Variants in COL11A1 observed in about 807,000 individuals in gnomAD.
COL11A1 encodes the protein collagen type XI alpha 1 chain.
In COL11A1, 74 loss-of-function variants were observed where a neutral mutation model predicts 265.2. That is an observed-to-expected ratio of 0.28 (90% CI 0.23 to 0.34). The LOEUF is 0.34. Among genes scored for constraint, COL11A1 ranks in the 10% least tolerant of loss-of-function variants. The pLI is 1.00. For synonymous variants in COL11A1, 816 were observed against 727.6 expected (o/e 1.12, Z -1.96); for missense variants, 2,165 against 2,263.6 (o/e 0.96, Z 0.88).
chr1:103,094,747 T>C (rs758003459), intron 1 of COL11A1, among the ~76,000 whole-genome samples: 30 of 152,086 alleles, frequency 2.0e-4, no homozygotes, highest in African/African-American at 6.5e-4. Context: ...GCATAAAATA[T>C]ATATAACATA....
chr1:103,021,557 C>T, intron 9 of COL11A1, 150 bp downstream of exon 9: 1 of 655,736 alleles, frequency 1.5e-6, no homozygotes, highest in Non-Finnish European at 2.8e-6. Flanking sequence ...CTAGACAAGA[C>T]CTTATTAACT....
At chr1:103,021,566 C>A in intron 9 of COL11A1, 141 bp downstream of exon 9, 1 of 668,734 alleles carries the variant, frequency 1.5e-6, no homozygotes, top group South Asian at 1.7e-5. Context: ...ACCTTATTAA[C>A]TTACTTATTT....
At chr1:102,882,202 G>C (rs924758969) in intron 64 of COL11A1, among the ~76,000 whole-genome samples, 4 of 152,172 alleles carry the variant, frequency 2.6e-5, no homozygotes, top group Admixed American at 6.5e-5. Flanking sequence ...GAGATATACT[G>C]TGTGAAAGGC....
At chr1:102,926,100 G>T (rs945571158) in intron 46 of COL11A1, among the ~76,000 whole-genome samples, 1 of 151,878 alleles carries the variant, frequency 6.6e-6, no homozygotes, top group Non-Finnish European at 1.5e-5. Context: ...AATTCAGTTA[G>T]ATCATAGTTT....
intron 5 of COL11A1, among the ~76,000 whole-genome samples, chr1:103,028,525 C>A (rs769319167): frequency 4.6e-5 from 7 of 152,026 alleles, no homozygotes; most frequent in Non-Finnish European, 1.0e-4. Flanking sequence ...CTAAGGATGG[C>A]TTGAGACAAG....
chr1:102,914,673 T>C, intron 51 of COL11A1, 31 bp downstream of exon 51: 5 of 1,526,154 alleles, frequency 3.3e-6, no homozygotes, highest in Non-Finnish European at 4.5e-6. Flanking sequence ...TTGGCATAAA[T>C]GCCACATTAG....
chr1:102,880,515 T>C (rs375697682), intron 65 of COL11A1, among the ~76,000 whole-genome samples: 2 of 152,198 alleles, frequency 1.3e-5, no homozygotes, highest in Admixed American at 1.3e-4. Flanking sequence ...GCAGGCATAA[T>C]GTGCAAGACA....
At chr1:102,963,885 A>G (rs1347063988) in intron 38 of COL11A1, among the ~76,000 whole-genome samples, 2 of 152,302 alleles carry the variant, frequency 1.3e-5, no homozygotes, top group East Asian at 3.9e-4. Context: ...TCAGAGATTC[A>G]CATAACTGTT....
intron 1 of COL11A1, among the ~76,000 whole-genome samples, chr1:103,093,064 T>C (rs1438494367): frequency 6.6e-6 from 1 of 152,088 alleles, no homozygotes; most frequent in Non-Finnish European, 1.5e-5. Flanking sequence ...TGCAAAAGCC[T>C]TGAACTTTTG....
intron 65 of COL11A1, 129 bp from the exon 66 acceptor site, chr1:102,880,045 C>T: frequency 1.5e-6 from 1 of 676,922 alleles, no homozygotes; most frequent in Non-Finnish European, 2.6e-6. Flanking sequence ...CCCACCTTAA[C>T]CTAATGAAAA....
chr1:102,979,929 G>T (rs1417152021), intron 31 of COL11A1, among the ~76,000 whole-genome samples: 1 of 152,060 alleles, frequency 6.6e-6, no homozygotes, highest in African/African-American at 2.4e-5. Context: ...TCAATTCATA[G>T]ACTAAAAACC....
At chr1:103,048,914 T>G (rs2102113439) in intron 4 of COL11A1, among the ~76,000 whole-genome samples, 1 of 152,252 alleles carries the variant, frequency 6.6e-6, no homozygotes. Context: ...CGGTTTTGAG[T>G]GAGTTTCTTA....
At chr1:102,986,330 G>A (rs867270518) in intron 30 of COL11A1, among the ~76,000 whole-genome samples, 17 of 147,702 alleles carry the variant, frequency 1.2e-4, no homozygotes, top group Middle Eastern at 3.6e-3. Context: ...ACCAAGCACC[G>A]CATGTTCTCA....
chr1:103,081,605 G>A (rs61486524), intron 2 of COL11A1, among the ~76,000 whole-genome samples: 1,574 of 151,886 alleles, frequency 0.01, 27 homozygotes, highest in African/African-American at 0.036. Flanking sequence ...CAAAATAAAT[G>A]TATTTCAATA....
At chr1:103,102,719 G>C (rs1008214410) in intron 1 of COL11A1, among the ~76,000 whole-genome samples, 10 of 151,892 alleles carry the variant, frequency 6.6e-5, no homozygotes, top group African/African-American at 2.4e-4. Context: ...AGATATCTCA[G>C]CATTTTTTAA....
chr1:102,992,382 T>C (rs34882475), intron 28 of COL11A1, among the ~76,000 whole-genome samples: 3,282 of 152,184 alleles, frequency 0.022, 58 homozygotes, highest in Middle Eastern at 0.092. Context: ...AAGCGACAAA[T>C]CTAAGGCTAA....
chr1:102,914,582 A>G (rs1400138639), intron 51 of COL11A1, 122 bp downstream of exon 51: 3 of 978,442 alleles, frequency 3.1e-6, no homozygotes, highest in Non-Finnish European at 4.7e-6. Context: ...GAATATATGA[A>G]ATGATGAAAA....
intron 48 of COL11A1, among the ~76,000 whole-genome samples, chr1:102,921,306 G>A (rs1388344595): frequency 6.6e-6 from 1 of 152,052 alleles, no homozygotes; most frequent in African/African-American, 2.4e-5. Context: ...TGGAAAATGT[G>A]TACCTATGTT....
intron 9 of COL11A1, among the ~76,000 whole-genome samples, chr1:103,019,589 C>T (rs1666833188): frequency 1.3e-5 from 2 of 151,656 alleles, no homozygotes; most frequent in Admixed American, 6.6e-5. Flanking sequence ...CTTTTTATTC[C>T]TTTTTTTTAT....
Sources: allele counts gnomAD v4.1 joint callset (sites outside exome capture counted in the v4.1 genomes callset), GRCh38; gene constraint gnomAD v4.1.1; transcripts MANE v1.5; gene names NCBI Gene and HGNC (gene_info 2026-07-23, HGNC 2026-07-21).